TTC3: variants seen among roughly 807,000 people sequenced by gnomAD.
The protein encoded by TTC3 is tetratricopeptide repeat domain 3.
TTC3 carries 180 observed loss-of-function variants against 249.6 expected under a neutral mutation model. That is an observed-to-expected ratio of 0.72 (90% CI 0.64 to 0.82). TTC3 has a LOEUF of 0.82. TTC3 is among the 40% of genes least tolerant of loss of function. The pLI is 0.00. For missense variants in TTC3, 2,061 were observed against 2,398.4 expected (o/e 0.86, Z 2.94); for synonymous variants, 717 against 805.0 (o/e 0.89, Z 1.85).
At chr21:37,130,643 T>A (rs563587295) in intron 16 of TTC3, among the ~76,000 whole-genome samples, 1 of 152,336 alleles carries the variant, frequency 6.6e-6, no homozygotes, top group South Asian at 2.1e-4. Flanking sequence ...ATATCTTGTG[T>A]TTCTTCCCAT....
chr21:37,077,202 A>T (rs2071013419), intron 1 of TTC3, among the ~76,000 whole-genome samples: 1 of 152,034 alleles, frequency 6.6e-6, no homozygotes, highest in Admixed American at 6.6e-5. Flanking sequence ...TTAAAATGTT[A>T]CTGTGATGTT....
intron 13 of TTC3, among the ~76,000 whole-genome samples, chr21:37,124,206 A>G (rs548689290): frequency 8.1e-6 from 1 of 124,126 alleles, no homozygotes; most frequent in East Asian, 2.7e-4. Flanking sequence ...ACCTCCGCCT[A>G]CTGGGTTCAA....
chr21:37,091,279 C>T lies in TTC3; in HGVS notation c.481-14C>T. Reference sequence around the variant, plus strand: ...ATAACCAAAGCCCCATTCTTCATTTCTCTTTTGAAACAGAAAATCTTGGCA... The same window carrying T: ...ATAACCAAAGCCCCATTCTTCATTTTTCTTTTGAAACAGAAAATCTTGGCA... On this transcript the variant is annotated splice_polypyrimidine_tract_variant and intron_variant, in intron 6 of 45. Transcript: ENST00000355666. 6.2e-7 allele frequency: 1 copy of T among 1,604,772 alleles called. No individual in the cohort carries two copies. The highest frequency in any genetic ancestry group is 1.1e-5 in the South Asian group (1 of 89,018).
At chr21:37,122,906 T>C (rs1358390442) in intron 12 of TTC3, 77 bp from the exon 13 acceptor site, 1 of 1,374,984 alleles carries the variant, frequency 7.3e-7, no homozygotes, top group Non-Finnish European at 9.6e-7. Context: ...CAGCTTAAAG[T>C]AAATTTGAAA....
At chr21:37,147,926 A>T (rs144222322) in intron 22 of TTC3, among the ~76,000 whole-genome samples, 319 of 152,028 alleles carry the variant, frequency 2.1e-3, no homozygotes, top group African/African-American at 6.9e-3. Context: ...ACAGGGTTTC[A>T]CCATATTGGC....
chr21:37,087,985 C>G, intron 3 of TTC3, 110 bp downstream of exon 3: 1 of 988,186 alleles, frequency 1.0e-6, no homozygotes, highest in Non-Finnish European at 1.5e-6. Context: ...AAAATGTATT[C>G]TTACTAGTTT....
chr21:37,201,565 T>C, exon 46 of TTC3: 9 of 1,613,684 alleles, frequency 5.6e-6, no homozygotes, highest in Non-Finnish European at 7.6e-6. Context: ...CTTCCTGCTC[T>C]TCTAGGTAGT....
At chr21:37,136,928 C>A (rs1466630779) in intron 18 of TTC3, among the ~76,000 whole-genome samples, 1 of 152,144 alleles carries the variant, frequency 6.6e-6, no homozygotes, top group Admixed American at 6.5e-5. Context: ...TCCAAAAATC[C>A]TCAGGCCCTT....
intron 11 of TTC3, among the ~76,000 whole-genome samples, chr21:37,115,027 T>G (rs981373021): frequency 4.6e-5 from 7 of 151,894 alleles, no homozygotes; most frequent in African/African-American, 1.7e-4. Flanking sequence ...CACCGGGGCC[T>G]GTTGTGAGGT....
In TTC3 at chr21:37,076,694, A is replaced by ATTTTTTTTTTTTTT. The variant is rs61629167; in HGVS notation, c.-12+3343_-12+3356dup. Among the ~76,000 whole-genome samples the ATTTTTTTTTTTTTT allele has an allele frequency of 1.7e-4, 16 of 95,004 alleles. 1 individual carries two copies. Among genetic ancestry groups the ATTTTTTTTTTTTTT allele is most frequent in the African/African-American group, 5.7e-4 (12 of 21,230 alleles). The allele number at this position is 95,004 out of a possible 152,430, so 62.3% of individuals were successfully genotyped here. A position where few individuals can be genotyped will look rare whatever the true frequency, so the allele number is the denominator to read the frequency against. Reference sequence around the variant, plus strand: ...AAACTCCCTTGGGGAAAACAAAGGGATTTTTTTTTTTTTTTTTTTTTTTTT... The same window carrying ATTTTTTTTTTTTTT: ...AAACTCCCTTGGGGAAAACAAAGGGATTTTTTTTTTTTTTTTTTTTTTTTTTTTTTTTTTTTTTT... On this transcript the variant is annotated intron_variant, in intron 1 of 45. Transcript: ENST00000355666.
intron 35 of TTC3, among the ~76,000 whole-genome samples, chr21:37,174,095 G>A (rs749500851): frequency 6.6e-6 from 1 of 152,018 alleles, no homozygotes; most frequent in African/African-American, 2.4e-5. Context: ...CTTTCTGGCC[G>A]AGGCTTTCCT....
intron 17 of TTC3, 30 bp from the exon 18 acceptor site, chr21:37,135,350 G>T: frequency 6.3e-7 from 1 of 1,591,114 alleles, no homozygotes; most frequent in South Asian, 1.1e-5. Context: ...TGTAGATTCA[G>T]GTTACTGAAA....
intron 34 of TTC3, among the ~76,000 whole-genome samples, chr21:37,169,770 C>T (rs931871402): frequency 1.5e-4 from 23 of 151,930 alleles, no homozygotes; most frequent in Non-Finnish European, 2.6e-4. Flanking sequence ...ATCGCTTGAA[C>T]CCAGGAGGCA....
At position 37,105,694 on chromosome 21, in the gene TTC3, C is replaced by G. The variant is rs1378252922; in HGVS notation, c.846-2698C>G. Reference sequence around the variant, plus strand: ...TCTCCTCCCCCAGGAGAACTACCATCCTGGCTTCCAGTGGTTAATTTTGCC... The same window carrying G: ...TCTCCTCCCCCAGGAGAACTACCATGCTGGCTTCCAGTGGTTAATTTTGCC... On this transcript the variant is annotated intron_variant, in intron 10 of 45. Coordinates refer to ENST00000355666, the Ensembl canonical transcript of TTC3. Among the ~76,000 whole-genome samples, 6 of 152,152 alleles carry G rather than the reference C, an allele frequency of 3.9e-5. 1 individual carries two copies. The South Asian group carries it at 1.2e-3, about 32-fold the overall frequency.
At chr21:37,093,033 A>C (rs990459021) in intron 7 of TTC3, among the ~76,000 whole-genome samples, 1 of 152,162 alleles carries the variant, frequency 6.6e-6, no homozygotes, top group Non-Finnish European at 1.5e-5. Flanking sequence ...AAAAATCCAA[A>C]ATCTGAAATA....
At chr21:37,146,995 T>C (rs990942641) in intron 21 of TTC3, among the ~76,000 whole-genome samples, 2 of 152,138 alleles carry the variant, frequency 1.3e-5, no homozygotes, top group Admixed American at 6.5e-5. Flanking sequence ...GGGGCTTCAT[T>C]AGCAGTGGAA....
intron 28 of TTC3, among the ~76,000 whole-genome samples, chr21:37,159,042 GT>G (rs1374209555): frequency 3.3e-5 from 5 of 152,072 alleles, no homozygotes; most frequent in Non-Finnish European, 7.4e-5. Flanking sequence ...GGAAACATTT[GT>G]TTAGTTTTAA....
intron 20 of TTC3, among the ~76,000 whole-genome samples, chr21:37,142,375 C>T (rs568364707): frequency 2.0e-5 from 3 of 152,328 alleles, no homozygotes; most frequent in African/African-American, 4.8e-5. Context: ...CCAAAATCTT[C>T]TTAAGCTGAT....
At chr21:37,170,029 C>G (rs2081611100) in intron 34 of TTC3, among the ~76,000 whole-genome samples, 1 of 151,684 alleles carries the variant, frequency 6.6e-6, no homozygotes, top group Admixed American at 6.6e-5. Flanking sequence ...AAAAATGGAC[C>G]TATAAAAGTA....
Sources: allele counts gnomAD v4.1 joint callset (sites outside exome capture counted in the v4.1 genomes callset), GRCh38; gene constraint gnomAD v4.1.1; transcripts MANE v1.5; gene names NCBI Gene and HGNC (gene_info 2026-07-23, HGNC 2026-07-21).